Variants in PCDHGB3 observed in about 807,000 individuals in gnomAD.
The protein encoded by PCDHGB3 is protocadherin gamma-B3.
Under a neutral mutation model 59.2 loss-of-function variants are expected in PCDHGB3, and 40 were observed. The ratio of observed to expected loss-of-function variants is 0.68; its 90% CI spans 0.52 to 0.88. PCDHGB3 has a LOEUF of 0.88. Among genes scored for constraint, PCDHGB3 ranks in the 40% least tolerant of loss-of-function variants. The pLI, the probability that PCDHGB3 is intolerant of heterozygous loss-of-function variation, is 0.00. For missense variants in PCDHGB3, 1,309 were observed against 1,187.9 expected (o/e 1.10, Z -1.50); for synonymous variants, 581 against 503.6 (o/e 1.15, Z -2.06).
At chr5:141,495,392 G>A (rs2099760968) in intron 2 of PCDHGB3, among the ~76,000 whole-genome samples, 2 of 152,186 alleles carry the variant, frequency 1.3e-5, no homozygotes, top group Non-Finnish European at 2.9e-5. Context: ...GGCGGGGCAT[G>A]GAGCAGGCCC....
At chr5:141,423,557 G>C in intron 1 of PCDHGB3, 2 of 1,613,654 alleles carry the variant, frequency 1.2e-6, no homozygotes, top group Non-Finnish European at 1.7e-6. Context: ...CCCAACTATG[G>C]GGACACGCTC....
At chr5:141,478,563 C>G (rs1484075735) in intron 1 of PCDHGB3, 16 of 1,596,154 alleles carry the variant, frequency 1.0e-5, no homozygotes, top group African/African-American at 1.3e-5. Context: ...TTTAGCAAGT[C>G]ATGCTTGACC....
At position 141,372,535 on chromosome 5, in the gene PCDHGB3, G is replaced by T. The variant is rs1257455687; in HGVS notation, c.2141G>T (p.Arg714Leu). The T allele has an allele frequency of 1.9e-6, 3 of 1,613,808 alleles. No individual in the cohort carries two copies. Among genetic ancestry groups the T allele is most frequent in the East Asian group, 2.2e-5 (1 of 44,892 alleles). ...LLAVILAISLRLRCSSRPATE... is the reference protein window; with the variant it reads ...LLAVILAISLLLRCSSRPATE... ...GCGGTGATTCTGGCAATCTCCCTGC[G>T]CCTGCGATGCTCCTCCAGACCCGCC... is the stretch of plus-strand genomic sequence containing the variant. The change falls in exon 1 of 4, where the codon CGC becomes CTC. Residue 714 changes from arginine (R) to leucine (L), a missense_variant. Arg to Leu is a moderately radical substitution (Grantham distance 102). Coordinates refer to ENST00000576222, the MANE Select transcript of PCDHGB3 (RefSeq NM_018924.5).
chr5:141,420,519 A>G (rs1056198647), intron 1 of PCDHGB3: 1 of 387,066 alleles, frequency 2.6e-6, no homozygotes, highest in African/African-American at 2.1e-5. Flanking sequence ...GAAGTAAAAT[A>G]CCTTTCGGTT....
intron 1 of PCDHGB3, chr5:141,394,431 C>G: frequency 1.2e-6 from 2 of 1,614,252 alleles, no homozygotes; most frequent in Non-Finnish European, 1.7e-6. Context: ...CAGCGGGGAC[C>G]CGCCCCTCAG....
In PCDHGB3 at chr5:141,486,043, A is replaced by G. The variant is rs1193580610; in HGVS notation, c.2416-8764A>G. 6.2e-7 allele frequency: 1 copy of G among 1,614,050 alleles called. No homozygotes were observed. Among genetic ancestry groups the G allele is most frequent in the African/African-American group, 1.3e-5 (1 of 74,918 alleles). ...GTGGTCATACCCCTGATCGTGTAAG[A>G]AACCTCTTTAGCCTGCACCCCACTA... On this transcript the variant is annotated intron_variant, in intron 1 of 3. Transcript: ENST00000576222. This position sits in a 1 kb window ranked among gnomAD's most constrained non-coding sequence, Gnocchi z 5.0.
Position 141,485,400 on chromosome 5 carries a change from G to A in PCDHGB3, c.2416-9407G>A. On this transcript the variant is annotated intron_variant, in intron 1 of 3. Transcript: ENST00000576222. The surrounding 1 kb of genome is among the most constrained non-coding windows in gnomAD (Gnocchi z 5.7). ...GGAGAGGTGAACCAAAGACACTTCC[G>A]TGTGGATTTGGACAGCGGAGCCCTG... is the stretch of plus-strand genomic sequence containing the variant. The A allele has an allele frequency of 6.2e-7, 1 of 1,614,076 alleles. No homozygotes were observed. The highest frequency in any genetic ancestry group is 8.5e-7 in the Non-Finnish European group (1 of 1,179,948).
intron 1 of PCDHGB3, among the ~76,000 whole-genome samples, chr5:141,444,256 C>T (rs1445343718): frequency 2.1e-5 from 3 of 146,298 alleles, no homozygotes; most frequent in African/African-American, 5.1e-5. Context: ...ACTGCAACCT[C>T]CGCCTCCCAG....
At chr5:141,392,782 A>G (rs1375306296) in intron 1 of PCDHGB3, 1 of 1,540,122 alleles carries the variant, frequency 6.5e-7, no homozygotes, top group Non-Finnish European at 8.7e-7. Context: ...TGCACAGTGA[A>G]GATTCTGAGA....
At chr5:141,415,686 G>A in intron 1 of PCDHGB3, 2 of 1,535,424 alleles carry the variant, frequency 1.3e-6, no homozygotes, top group Non-Finnish European at 1.8e-6. Context: ...GCGGCATGAT[G>A]GTGGAAAGTG....
At position 141,490,664 on chromosome 5, in the gene PCDHGB3, C is replaced by T; in HGVS notation, c.2416-4143C>T. 6.2e-7 allele frequency: 1 copy of T among 1,614,212 alleles called. No homozygotes were observed. The highest frequency in any genetic ancestry group is 1.1e-5 in the South Asian group (1 of 91,084). On this transcript the variant is annotated intron_variant, in intron 1 of 3. Coordinates refer to ENST00000576222, the MANE Select transcript of PCDHGB3 (RefSeq NM_018924.5). The surrounding 1 kb of genome is among the most constrained non-coding windows in gnomAD (Gnocchi z 5.4). ...CGGCCTCCGGGCTCCCTTCTTTGCA[C>T]TGTGGCTGCCTCAGATCCAGACACT...
At chr5:141,384,536 T>C (rs751421323) in intron 1 of PCDHGB3, 1 of 1,614,204 alleles carries the variant, frequency 6.2e-7, no homozygotes, top group Non-Finnish European at 8.5e-7. Flanking sequence ...AGCAGCAACA[T>C]GTCACTGAGC....
intron 2 of PCDHGB3, among the ~76,000 whole-genome samples, chr5:141,497,158 T>A (rs2099774560): frequency 6.6e-6 from 1 of 151,860 alleles, no homozygotes; most frequent in African/African-American, 2.4e-5. Flanking sequence ...AAAAATAATC[T>A]AGCCACAAAT....
In PCDHGB3 at chr5:141,421,624, A is replaced by G; in HGVS notation, c.2415+48815A>G. On this transcript the variant is annotated intron_variant, in intron 1 of 3. Transcript: ENST00000576222. ...AATAGATATTAATGATAACGCCCCC[A>G]GCTTCCAGGAGGACGAAGTGGAGAT... 2.5e-6 allele frequency: 4 copies of G among 1,613,872 alleles called. No homozygotes were observed. The South Asian group carries it at 3.3e-5, about 13-fold the overall frequency.
chr5:141,493,250 C>T lies in PCDHGB3; in HGVS notation c.2416-1557C>T, dbSNP rs1330348553. On this transcript the variant is annotated intron_variant, in intron 1 of 3. Coordinates refer to ENST00000576222, the MANE Select transcript of PCDHGB3 (RefSeq NM_018924.5). The surrounding 1 kb of genome is among the most constrained non-coding windows in gnomAD (Gnocchi z 4.3). ...TGCTGTTGGCTAGGTACTAACATGC[C>T]TCTCTTATAACAGCTTCACAGAGGT... Among the ~76,000 whole-genome samples the T allele has an allele frequency of 1.3e-5, 2 of 152,154 alleles. No homozygotes were observed. Among genetic ancestry groups the T allele is most frequent in the Non-Finnish European group, 2.9e-5 (2 of 68,024 alleles).
intron 1 of PCDHGB3, among the ~76,000 whole-genome samples, chr5:141,492,641 G>A (rs2099742804): frequency 6.6e-6 from 1 of 152,226 alleles, no homozygotes; most frequent in African/African-American, 2.4e-5. Flanking sequence ...ACGATCCTTG[G>A]GCCAGAGGTC....
In PCDHGB3 at chr5:141,477,472, C is replaced by T. The variant is rs764533834; in HGVS notation, c.2416-17335C>T. 1 of 1,614,156 alleles carries T rather than the reference C, an allele frequency of 6.2e-7. No homozygotes were observed. Among genetic ancestry groups the T allele is most frequent in the South Asian group, 1.1e-5 (1 of 91,080 alleles). Reference sequence around the variant, plus strand: ...GTGTTCAAGTGTCCGACATCAATGACAACCCTCCACAATCTTCTCAATCTT... The same window carrying T: ...GTGTTCAAGTGTCCGACATCAATGATAACCCTCCACAATCTTCTCAATCTT... On this transcript the variant is annotated intron_variant, in intron 1 of 3. Transcript: ENST00000576222. This position sits in a 1 kb window ranked among gnomAD's most constrained non-coding sequence, Gnocchi z 4.9.
chr5:141,438,623 TATATATATATATACAC>T (rs1207200307), intron 1 of PCDHGB3, among the ~76,000 whole-genome samples: 21 of 42,842 alleles, frequency 4.9e-4, no homozygotes, highest in South Asian at 2.6e-3. Flanking sequence ...TATATATATA[TATATATATATATACAC>T]ACACACACAC....
At chr5:141,405,257 A>T (rs747554046) in intron 1 of PCDHGB3, 2 of 1,613,954 alleles carry the variant, frequency 1.2e-6, no homozygotes, top group Non-Finnish European at 1.7e-6. Flanking sequence ...GAGTCACCTG[A>T]TCTTCCCCCA....
Sources: allele counts gnomAD v4.1 joint callset (sites outside exome capture counted in the v4.1 genomes callset), GRCh38; gene constraint gnomAD v4.1.1; non-coding constraint Gnocchi (gnomAD v3.1); transcripts MANE v1.5; gene names NCBI Gene and HGNC (gene_info 2026-07-23, HGNC 2026-07-21).